The following GUCY1A2 variants were observed in gnomAD, a reference collection of about 807,000 sequenced individuals.
GUCY1A2 encodes guanylate cyclase soluble subunit alpha-2.
In GUCY1A2, 27 loss-of-function variants were observed where a neutral mutation model predicts 63.5. The ratio of observed to expected loss-of-function variants is 0.43; its 90% CI spans 0.31 to 0.59. The LOEUF (loss-of-function observed/expected upper bound fraction) is 0.59. GUCY1A2 is among the 20% of genes least tolerant of loss of function. The pLI, the probability that GUCY1A2 is intolerant of heterozygous loss-of-function variation, is 0.11. For missense variants in GUCY1A2, 768 were observed against 913.3 expected (o/e 0.84, Z 2.05); for synonymous variants, 364 against 343.5 (o/e 1.06, Z -0.66).
chr11:106,799,043 C>G (rs1446932613), intron 5 of GUCY1A2, among the ~76,000 whole-genome samples: 1 of 152,148 alleles, frequency 6.6e-6, no homozygotes, highest in Non-Finnish European at 1.5e-5. Context: ...TCTCCTTAAG[C>G]TGATAAGCAA....
At chr11:107,011,674 C>T (rs1861748208) in intron 1 of GUCY1A2, among the ~76,000 whole-genome samples, 1 of 146,946 alleles carries the variant, frequency 6.8e-6, no homozygotes, top group Non-Finnish European at 1.5e-5. Flanking sequence ...CTTCTACTTA[C>T]AAACCTAATA....
chr11:106,935,648 C>A (rs1045011947), intron 4 of GUCY1A2, among the ~76,000 whole-genome samples: 17 of 151,860 alleles, frequency 1.1e-4, no homozygotes, highest in African/African-American at 4.1e-4. Flanking sequence ...GAGACGAGAC[C>A]AGTCTGGCCT....
chr11:106,899,714 G>C (rs1326416701), intron 4 of GUCY1A2, among the ~76,000 whole-genome samples: 1 of 152,090 alleles, frequency 6.6e-6, no homozygotes, highest in Non-Finnish European at 1.5e-5. Context: ...CCCAGAAAAA[G>C]AATCCTATGC....
intron 6 of GUCY1A2, among the ~76,000 whole-genome samples, chr11:106,735,503 T>C (rs373841878): frequency 1.2e-4 from 18 of 152,300 alleles, no homozygotes; most frequent in African/African-American, 3.8e-4. Flanking sequence ...TAGTATTCCA[T>C]GTGCATATGT....
At chr11:106,760,929 A>G (rs1366283942) in intron 6 of GUCY1A2, among the ~76,000 whole-genome samples, 1 of 152,202 alleles carries the variant, frequency 6.6e-6, no homozygotes, top group Non-Finnish European at 1.5e-5. Context: ...AACAGTAAAA[A>G]TAGTAATACT....
chr11:106,829,273 T>C (rs1224559987), intron 4 of GUCY1A2, among the ~76,000 whole-genome samples: 1 of 152,128 alleles, frequency 6.6e-6, no homozygotes, highest in Non-Finnish European at 1.5e-5. Context: ...GTTGGGTGAG[T>C]TGCCAGAGAT....
intron 5 of GUCY1A2, among the ~76,000 whole-genome samples, chr11:106,786,988 A>C (rs998106890): frequency 3.3e-5 from 5 of 152,204 alleles, no homozygotes; most frequent in Admixed American, 6.5e-5. Context: ...TTGAATAAAC[A>C]CATAAGGAGT....
At chr11:106,725,570 GTTAAT>G in intron 6 of GUCY1A2, among the ~76,000 whole-genome samples, 1 of 152,038 alleles carries the variant, frequency 6.6e-6, no homozygotes, top group Non-Finnish European at 1.5e-5. Flanking sequence ...ATTTTTAAAA[GTTAAT>G]TTAATCACGT....
At position 106,978,657 on chromosome 11, in the gene GUCY1A2, T is replaced by G; in HGVS notation, c.449A>C (p.Asp150Ala). 6.4e-7 allele frequency: 1 copy of G among 1,554,244 alleles called. No homozygotes were observed. Among genetic ancestry groups the G allele is most frequent in the Non-Finnish European group, 8.9e-7 (1 of 1,125,928 alleles). The change falls in exon 3 of 8, where the codon GAT becomes GCT. Residue 150 changes from aspartate (D) to alanine (A), a missense_variant. By Grantham distance (126) the Asp-to-Ala change is moderately radical. Transcript: ENST00000526355. ...AGTACACTGAAGAATTCCTGAGACA[T>G]CTTCAATTTCTTCTTTGTTGGAGTG... is the stretch of plus-strand genomic sequence containing the variant. Reference protein sequence around the residue: ...ADHSNKEEIEDVSGILQCTAN... With the variant: ...ADHSNKEEIEAVSGILQCTAN...
chr11:106,924,179 T>A (rs975935092), intron 4 of GUCY1A2, among the ~76,000 whole-genome samples: 9 of 151,858 alleles, frequency 5.9e-5, no homozygotes, highest in African/African-American at 2.2e-4. Flanking sequence ...GCAATTACTA[T>A]AATCTACACT....
chr11:106,959,219 T>C (rs1316529214), intron 3 of GUCY1A2, among the ~76,000 whole-genome samples: 1 of 152,226 alleles, frequency 6.6e-6, no homozygotes, highest in Non-Finnish European at 1.5e-5. Flanking sequence ...ATTTTTTTAA[T>C]GGTCATCTTT....
intron 6 of GUCY1A2, among the ~76,000 whole-genome samples, chr11:106,767,534 G>A (rs1864184697): frequency 1.3e-5 from 2 of 152,034 alleles, no homozygotes; most frequent in African/African-American, 4.8e-5. Context: ...TTTATAGTCT[G>A]AAAATATGAT....
chr11:106,747,224 G>A (rs938568252), intron 6 of GUCY1A2, among the ~76,000 whole-genome samples: 1 of 152,142 alleles, frequency 6.6e-6, no homozygotes, highest in African/African-American at 2.4e-5. Flanking sequence ...TCCTGACCTC[G>A]TGATCTGCCC....
intron 3 of GUCY1A2, among the ~76,000 whole-genome samples, chr11:106,947,570 T>C (rs1057224818): frequency 2.0e-4 from 30 of 152,050 alleles, no homozygotes; most frequent in Non-Finnish European, 3.7e-4. Context: ...ATATGTATTA[T>C]ATGTATGTAA....
Position 106,743,839 on chromosome 11 carries a change from C to T in GUCY1A2, c.1836+32600G>A, listed in dbSNP as rs534527018. Among the ~76,000 whole-genome samples, 22 of 152,232 alleles carry T rather than the reference C, an allele frequency of 1.4e-4. No individual in the cohort carries two copies. In the South Asian group the frequency reaches 4.4e-3, roughly 30 times the overall value. On this transcript the variant is annotated intron_variant, in intron 6 of 7. Transcript: ENST00000526355. ...GTAGTGTTTTATGTATAAAGTGGCA[C>T]TGAGTAAATATTTGTTGACATGAAT...
intron 7 of GUCY1A2, among the ~76,000 whole-genome samples, chr11:106,702,430 A>T (rs1862831735): frequency 6.6e-6 from 1 of 152,168 alleles, no homozygotes; most frequent in Non-Finnish European, 1.5e-5. Flanking sequence ...GTAAGAGATG[A>T]TATGTGGGTA....
At chr11:106,731,794 C>CAAAT (rs1297464641) in intron 6 of GUCY1A2, among the ~76,000 whole-genome samples, 6 of 151,732 alleles carry the variant, frequency 4.0e-5, no homozygotes, top group Non-Finnish European at 5.9e-5. Flanking sequence ...CAATAGCCAC[C>CAAAT]AAATAAATAA....
intron 4 of GUCY1A2, among the ~76,000 whole-genome samples, chr11:106,867,429 C>T (rs55816703): frequency 0.23 from 34,331 of 151,850 alleles, 3,956 homozygotes; most frequent in African/African-American, 0.29. Flanking sequence ...ACAGAGCACA[C>T]GCTAGAACAG....
At chr11:106,995,989 GAATAAAGAAGT>G (rs1351154994) in intron 1 of GUCY1A2, among the ~76,000 whole-genome samples, 1 of 746 alleles carries the variant, frequency 1.3e-3, no homozygotes, top group Non-Finnish European at 0.01. Context: ...AAGAGTCTGA[GAATAAAGAAGT>G]AATATTTCTG....
Sources: allele counts gnomAD v4.1 joint callset (sites outside exome capture counted in the v4.1 genomes callset), GRCh38; gene constraint gnomAD v4.1.1; transcripts MANE v1.5; gene names NCBI Gene and HGNC (gene_info 2026-07-23, HGNC 2026-07-21).